The following ZNF266 variants were observed in gnomAD, a reference collection of about 807,000 sequenced individuals.
The protein encoded by ZNF266 is zinc finger protein 1.
A neutral mutation model predicts 16.4 loss-of-function variants in ZNF266; 16 were observed. That is an observed-to-expected ratio of 0.98 (90% CI 0.66 to 1.48). The LOEUF (loss-of-function observed/expected upper bound fraction) is 1.48, where lower values mean the gene tolerates loss of function less well. Among genes scored for constraint, ZNF266 ranks in the 40% most tolerant of loss-of-function variants. ZNF266 has a pLI of 0.00. For synonymous variants in ZNF266, 262 were observed against 237.9 expected, an observed-to-expected ratio of 1.10 and a Z score of -0.93; for missense variants, 738 against 689.1, an observed-to-expected ratio of 1.07 and a Z score of -0.79.
intron 5 of ZNF266, among the ~76,000 whole-genome samples, chr19:9,433,418 T>C (rs1035413750): frequency 1.6e-4 from 25 of 152,060 alleles, no homozygotes; most frequent in African/African-American, 5.6e-4. Context: ...GAAGGACTAA[T>C]TTAGGTAGGA....
rs747180037 is a variant in ZNF266, at chr19:9,414,391, G to C, written c.735C>G (p.His245Gln). 4.7e-5 allele frequency: 76 copies of C among 1,614,172 alleles called. No individual in the cohort carries two copies. The highest frequency in any genetic ancestry group is 6.3e-5 in the Non-Finnish European group (74 of 1,180,040). Residue 245 changes from histidine (H) to glutamine (Q), a missense_variant, in exon 11 of 11, where the codon CAC (histidine) becomes CAG (glutamine). Physicochemically the swap from His to Gln is conservative, Grantham distance 24 (BLOSUM62 0). Coordinates refer to ENST00000592904, the MANE Select transcript of ZNF266 (RefSeq NM_001370374.1). ...HSHLQGHLRT[H>Q]NGESLHEWKE... The stretch of plus-strand genomic sequence containing the variant: ...TCCATTCATGGAGACTTTCTCCATT[G>C]TGAGTTCTTAAATGTCCCTGAAGGT...
intron 5 of ZNF266, among the ~76,000 whole-genome samples, chr19:9,424,907 G>A (rs950910032): frequency 6.6e-6 from 1 of 152,148 alleles, no homozygotes; most frequent in African/African-American, 2.4e-5. Context: ...TTATTCCAAA[G>A]AAATTCCTAT....
At chr19:9,427,059 G>A (rs2070855190) in intron 5 of ZNF266, among the ~76,000 whole-genome samples, 3 of 152,156 alleles carry the variant, frequency 2.0e-5, no homozygotes, top group Non-Finnish European at 1.5e-5. Context: ...TTACAACAGG[G>A]CCTCAAGGAT....
intron 5 of ZNF266, among the ~76,000 whole-genome samples, chr19:9,427,627 T>C (rs1390755336): frequency 6.6e-6 from 1 of 152,176 alleles, no homozygotes; most frequent in Non-Finnish European, 1.5e-5. Context: ...ACACCCGGCC[T>C]GGACAACATG....
In ZNF266 at chr19:9,413,088, T is replaced by C; in HGVS notation, c.*187A>G. The C allele has an allele frequency of 1.5e-6, 1 of 661,480 alleles. No homozygotes were observed. 41.0% of individuals were successfully genotyped at this position (661,480 alleles called of 1,614,324 possible). On this transcript the variant is annotated 3_prime_UTR_variant, in exon 11 of 11. Coordinates refer to ENST00000592904, the MANE Select transcript of ZNF266 (RefSeq NM_001370374.1). ...AGATTTCTGATGTGTTTGGTAAGGC[T>C]TGAGAATTCAGCAAAGTCATTTCCA...
At position 9,431,894 on chromosome 19, in the gene ZNF266, C is replaced by G. The variant is rs140812016; in HGVS notation, c.-130+1774G>C. ...CGCACGACCTTTGACCAGTTTCTAA[C>G]AGAAGAATAAGCAAAAATGAAGAGA... is the stretch of plus-strand genomic sequence containing the variant. On this transcript the variant is annotated intron_variant, in intron 5 of 10. Coordinates refer to ENST00000592904, the MANE Select transcript of ZNF266 (RefSeq NM_001370374.1). 1.3e-3 allele frequency among the ~76,000 whole-genome samples: 204 copies of G among 152,268 alleles called. 2 individuals carry two copies. In the Middle Eastern group the frequency reaches 0.02, roughly 15 times the overall value.
Position 9,413,367 on chromosome 19 carries a change from AG to A in ZNF266, c.1758del (p.Tyr587MetfsTer37), listed in dbSNP as rs764577137. 13 of 1,614,168 alleles carry A rather than the reference AG, an allele frequency of 8.1e-6. No individual in the cohort carries two copies. The highest frequency in any genetic ancestry group is 6.8e-6 in the Non-Finnish European group (8 of 1,180,000). ...GCTTTCCCGCACTCCTTACATTCAT[AG>A]GGTTTCTCTCCAGTGTGAGTTCGTT... ...LHERTHTGEK[P>X]YECKECGKAF... On this transcript the variant is annotated frameshift_variant, in exon 11 of 11. Transcript: ENST00000592904. LOFTEE classifies it low-confidence loss of function (END_TRUNC).
intron 9 of ZNF266, 36 bp from the exon 10 acceptor site, chr19:9,415,778 T>C (rs1204850101): frequency 6.4e-7 from 1 of 1,560,338 alleles, no homozygotes; most frequent in Non-Finnish European, 8.8e-7. Context: ...TTTGGAGACA[T>C]ACAGGGTAGA....
chr19:9,416,665 T>TAA, intron 9 of ZNF266, among the ~76,000 whole-genome samples: 1 of 113,730 alleles, frequency 8.8e-6, no homozygotes, highest in African/African-American at 3.9e-5. Context: ...TGCCAGGCCT[T>TAA]TTTTTTTTTT....
intron 9 of ZNF266, among the ~76,000 whole-genome samples, chr19:9,416,310 T>C (rs948897711): frequency 6.6e-6 from 1 of 151,222 alleles, no homozygotes; most frequent in Non-Finnish European, 1.5e-5. Flanking sequence ...GGAAGGAAAG[T>C]TGAGGAATAG....
In ZNF266 at chr19:9,414,079, G is replaced by A. The variant is rs750696152; in HGVS notation, c.1047C>T (p.Cys349=). Residue 349 remains cysteine (C), a synonymous_variant, in exon 11 of 11, where the codon TGC becomes TGT. Coordinates refer to ENST00000592904, the MANE Select transcript of ZNF266 (RefSeq NM_001370374.1). The part of the protein sequence containing the change: ...DCGRAFTVSS[C]LSQHMKIHVG... ...CATGGATTTTCATATGTTGACTTAA[G>A]CAAGAGGAAACAGTGAAGGCTCTCC... The A allele has an allele frequency of 1.2e-6, 2 of 1,613,824 alleles. No homozygotes were observed. Among genetic ancestry groups the A allele is most frequent in the South Asian group, 1.1e-5 (1 of 91,044 alleles).
chr19:9,433,423 G>A (rs1333363142), intron 5 of ZNF266, among the ~76,000 whole-genome samples: 1 of 152,008 alleles, frequency 6.6e-6, no homozygotes, highest in East Asian at 1.9e-4. Context: ...ACTAATTTAG[G>A]TAGGAGAAGG....
chr19:9,416,730 G>A (rs576874214), intron 9 of ZNF266, among the ~76,000 whole-genome samples: 2 of 108,098 alleles, frequency 1.9e-5, no homozygotes, highest in East Asian at 3.1e-4. Flanking sequence ...GGAGTTCAGC[G>A]GCACGATCTT....
At position 9,414,080 on chromosome 19, in the gene ZNF266, C is replaced by G; in HGVS notation, c.1046G>C (p.Cys349Ser). ...ATGGATTTTCATATGTTGACTTAAG[C>G]AAGAGGAAACAGTGAAGGCTCTCCC... is the stretch of plus-strand genomic sequence containing the variant. ...DCGRAFTVSSCLSQHMKIHVG... is the reference protein window; with the variant it reads ...DCGRAFTVSSSLSQHMKIHVG... Residue 349 changes from cysteine to serine, a missense_variant, in exon 11 of 11, where the codon TGC becomes TCC. Coordinates refer to ENST00000592904, the MANE Select transcript of ZNF266 (RefSeq NM_001370374.1). The G allele has an allele frequency of 6.2e-7, 1 of 1,613,418 alleles. No individual in the cohort carries two copies. Among genetic ancestry groups the G allele is most frequent in the Non-Finnish European group, 8.5e-7 (1 of 1,179,830 alleles).
At chr19:9,420,754 A>C (rs200703995) in intron 5 of ZNF266, 1 of 94,036 alleles carries the variant, frequency 1.1e-5, no homozygotes, top group African/African-American at 4.5e-5. Flanking sequence ...ACTCTCTCTC[A>C]AAAGGAAAAA....
chr19:9,414,514 G>T lies in ZNF266; in HGVS notation c.612C>A (p.Ala204=). ...AAACAACATCTGGGTTCAGGCTGAA[G>T]GCTTTTCCACACTGACTAAATACAG... The part of the protein sequence containing the change: ...QRSVFSQCGK[A]FSLNPDVVCQ... Residue 204 remains alanine, a synonymous_variant, in exon 11 of 11, where the codon GCC becomes GCA. Coordinates refer to ENST00000592904, the MANE Select transcript of ZNF266 (RefSeq NM_001370374.1). The T allele has an allele frequency of 6.2e-7, 1 of 1,614,188 alleles. No homozygotes were observed.
At position 9,435,107 on chromosome 19, in the gene ZNF266, C is replaced by G. The variant is rs570967254; in HGVS notation, c.-472+1G>C. The G allele has an allele frequency of 1.3e-5, 2 of 152,242 alleles. No individual in the cohort carries two copies. The highest frequency in any genetic ancestry group is 2.1e-4 in the South Asian group (1 of 4,820). 9.4% of individuals were successfully genotyped at this position (152,242 alleles called of 1,614,324 possible). Reference sequence around the variant, plus strand: ...AAACCAACTTTCACCCCAGTACTCACCGCGACGAGCTGGACTCGCCAGGTA... The same window carrying G: ...AAACCAACTTTCACCCCAGTACTCAGCGCGACGAGCTGGACTCGCCAGGTA... On this transcript the variant is annotated splice_donor_variant, in intron 2 of 10. Coordinates refer to ENST00000592904, the MANE Select transcript of ZNF266 (RefSeq NM_001370374.1). LOFTEE classifies it low-confidence loss of function (5UTR_SPLICE).
At chr19:9,424,647 A>G (rs763303193) in intron 5 of ZNF266, among the ~76,000 whole-genome samples, 52 of 152,046 alleles carry the variant, frequency 3.4e-4, no homozygotes, top group Non-Finnish European at 4.6e-4. Flanking sequence ...CCATGTGTTT[A>G]TTTATTTAAA....
chr19:9,421,452 A>G (rs1161903870), intron 5 of ZNF266, among the ~76,000 whole-genome samples: 3 of 152,230 alleles, frequency 2.0e-5, no homozygotes, highest in Non-Finnish European at 4.4e-5. Context: ...TATTCAGTGG[A>G]TGAATTTTGA....
Sources: gnomAD v4.1 joint callset for allele counts (sites outside exome capture counted in the v4.1 genomes callset) on GRCh38, gnomAD v4.1.1 for gene constraint, MANE v1.5 for transcripts, NCBI Gene and HGNC (gene_info 2026-07-23, HGNC 2026-07-21) for gene names.